The following ZSCAN32 variants were observed in gnomAD, a reference collection of about 807,000 sequenced individuals.
ZSCAN32 encodes zinc finger and SCAN domain containing 32.
In ZSCAN32, 52 loss-of-function variants were observed where a neutral mutation model predicts 47.4. The ratio of observed to expected loss-of-function variants is 1.10; its 90% CI spans 0.88 to 1.38. The LOEUF is 1.38. ZSCAN32 is among the 40% of genes most tolerant of loss of function. The pLI, the probability that ZSCAN32 is intolerant of heterozygous loss-of-function variation, is 0.00. For missense variants in ZSCAN32, 959 were observed against 846.0 expected (o/e 1.13, Z -1.66); for synonymous variants, 346 against 305.7 (o/e 1.13, Z -1.38).
At chr16:3,397,963 T>G (rs2033534239) in intron 1 of ZSCAN32, among the ~76,000 whole-genome samples, 1 of 152,192 alleles carries the variant, frequency 6.6e-6, no homozygotes. Context: ...TCTAACCAAC[T>G]CCATCTTGCT....
rs2033858691 is a variant in ZSCAN32 at position 3,400,966 on chromosome 16, C to CTGT, written c.-210_-209insACA. ...TCACCGGACACCAGCACTCGCGACT[C>CTGT]CACAAACTCCCTCAGCCTCCGGGCC... is the stretch of plus-strand genomic sequence containing the variant. On this transcript the variant is annotated 5_prime_UTR_variant, in exon 1 of 7. Coordinates refer to ENST00000396852, the MANE Select transcript of ZSCAN32 (RefSeq NM_001284527.2). The CTGT allele has an allele frequency of 6.6e-6, 1 of 152,624 alleles. No individual in the cohort carries two copies. Among genetic ancestry groups the CTGT allele is most frequent in the South Asian group, 2.1e-4 (1 of 4,842 alleles). 9.5% of individuals were successfully genotyped at this position (152,624 alleles called of 1,614,324 possible). A position where few individuals can be genotyped will look rare whatever the true frequency, so the allele number is the denominator to read the frequency against.
rs143167196 is a variant in ZSCAN32, at chr16:3,383,072, C to T, written c.1874G>A (p.Arg625His). The T allele has an allele frequency of 4.4e-5, 71 of 1,614,084 alleles. No homozygotes were observed. Among genetic ancestry groups the T allele is most frequent in the South Asian group, 8.8e-5 (8 of 91,074 alleles). The change falls in exon 7 of 7, where the codon CGC (arginine) becomes CAC (histidine). Residue 625 changes from arginine to histidine, a missense_variant. By Grantham distance (29) the Arg-to-His change is conservative. Coordinates refer to ENST00000396852, the MANE Select transcript of ZSCAN32 (RefSeq NM_001284527.2). ...NNSSQFSAHR[R>H]IHTGESPYKC... ...GTATGGGCTCTCCCCAGTGTGGATG[C>T]GCCGGTGAGCACTGAACTGGGAACT...
intron 5 of ZSCAN32, among the ~76,000 whole-genome samples, chr16:3,388,887 C>A (rs1273072727): frequency 6.6e-6 from 1 of 152,052 alleles, no homozygotes; most frequent in Non-Finnish European, 1.5e-5. Flanking sequence ...TGGGACCTTA[C>A]TTTGGAGAGA....
At chr16:3,385,085 G>A (rs1341788243) in intron 5 of ZSCAN32, 144 bp from the exon 6 acceptor site, 42 of 960,796 alleles carry the variant, frequency 4.4e-5, no homozygotes, top group Non-Finnish European at 6.3e-5. Context: ...AGCACTTTGG[G>A]AGGCCAAGGC....
chr16:3,393,241 TTA>T (rs1183166388), intron 3 of ZSCAN32, among the ~76,000 whole-genome samples: 1 of 10,622 alleles, frequency 9.4e-5, no homozygotes, highest in Non-Finnish European at 1.6e-4. Context: ...TTTATATATT[TTA>T]TATATATATA....
intron 2 of ZSCAN32, among the ~76,000 whole-genome samples, chr16:3,396,821 A>C (rs1035150381): frequency 1.3e-5 from 2 of 152,046 alleles, no homozygotes; most frequent in African/African-American, 4.8e-5. Flanking sequence ...AACACATGTC[A>C]CTCTGCCCTC....
chr16:3,390,570 A>T, intron 3 of ZSCAN32, 53 bp from the exon 4 acceptor site: 1 of 1,425,324 alleles, frequency 7.0e-7, no homozygotes, highest in Non-Finnish European at 9.6e-7. Context: ...AACAGCACAG[A>T]GCAGAAGCTC....
rs762978332 is a variant in ZSCAN32, at chr16:3,390,183, C to G, written c.628-50G>C. 12 of 1,534,780 alleles carry G rather than the reference C, an allele frequency of 7.8e-6. No homozygotes were observed. In the South Asian group the frequency reaches 1.4e-4, roughly 17 times the overall value. On this transcript the variant is annotated intron_variant, in intron 4 of 6. Coordinates refer to ENST00000396852, the MANE Select transcript of ZSCAN32 (RefSeq NM_001284527.2). ...TACCGATAAAATAGCACCACTCTAG[C>G]CTGGGGTGGGGGCAGAGACAGGATC...
In ZSCAN32 at chr16:3,383,184, G is replaced by C; in HGVS notation, c.1762C>G (p.Gln588Glu). 1.2e-6 allele frequency: 2 copies of C among 1,614,108 alleles called. No homozygotes were observed. The highest frequency in any genetic ancestry group is 1.7e-6 in the Non-Finnish European group (2 of 1,180,024). The change falls in exon 7 of 7, where the codon CAG (glutamine) becomes GAG (glutamate). Residue 588 changes from glutamine (Q) to glutamate (E), a missense_variant. Coordinates refer to ENST00000396852, the MANE Select transcript of ZSCAN32 (RefSeq NM_001284527.2). ...TGGTGGACAATGAGGCTGGAACTCT[G>C]GTTGAAGCTTTTCCCACATTGCCCA... ...QCGQCGKSFN[Q>E]SSSLIVHQRT... is the part of the protein sequence containing the mutation.
intron 3 of ZSCAN32, among the ~76,000 whole-genome samples, chr16:3,393,227 TAAATTTATATA>T (rs1567319827): frequency 7.2e-4 from 17 of 23,626 alleles, no homozygotes; most frequent in South Asian, 3.9e-3. Context: ...TATATATATA[TAAATTTATATA>T]TTTTATATAT....
In ZSCAN32 at chr16:3,383,501, A is replaced by G; in HGVS notation, c.1445T>C (p.Met482Thr). ...CCTGGCACAAAAACTCTGGTGACTC[A>G]TCTTCTCCTGGGATGGGGTTTTCTC... is the stretch of plus-strand genomic sequence containing the variant. The part of the protein sequence containing the change: ...SEEKTPSQEK[M>T]SHQSFCARDK... Residue 482 changes from methionine to threonine, a missense_variant, in exon 7 of 7, where the codon ATG becomes ACG. Physicochemically the swap from Met to Thr is moderately conservative, Grantham distance 81. Transcript: ENST00000396852. 1 of 1,614,066 alleles carries G rather than the reference A, an allele frequency of 6.2e-7. No individual in the cohort carries two copies. The highest frequency in any genetic ancestry group is 8.5e-7 in the Non-Finnish European group (1 of 1,179,994).
At chr16:3,393,884 G>A (rs2033111945) in intron 2 of ZSCAN32, 70 bp from the exon 3 acceptor site, 4 of 1,333,236 alleles carry the variant, frequency 3.0e-6, no homozygotes, top group African/African-American at 3.0e-5. Flanking sequence ...TCCTAAGAGT[G>A]GCATTAAAAA....
chr16:3,391,184 GGCC>G (rs1409090272), intron 3 of ZSCAN32, among the ~76,000 whole-genome samples: 1 of 152,198 alleles, frequency 6.6e-6, no homozygotes, highest in Non-Finnish European at 1.5e-5. Flanking sequence ...ATCTGTGAGT[GGCC>G]CATGGGCCTG....
chr16:3,384,796 A>G lies in ZSCAN32; in HGVS notation c.897T>C (p.Phe299=), dbSNP rs1459651590. Residue 299 remains phenylalanine (F), a synonymous_variant, in exon 6 of 7, where the codon TTT becomes TTC. Coordinates refer to ENST00000396852, the MANE Select transcript of ZSCAN32 (RefSeq NM_001284527.2). ...TGCGACACTGTTCTGGGGTCCGCAG[A>G]AAACCCTGCTCCCAGAGTCCTTCCG... ...AMAEGLWEQG[F]LRTPEQCRTK... is the part of the protein sequence containing the mutation. 1 of 1,614,218 alleles carries G rather than the reference A, an allele frequency of 6.2e-7. No homozygotes were observed. Among genetic ancestry groups the G allele is most frequent in the Admixed American group, 1.7e-5 (1 of 60,028 alleles).
At chr16:3,387,095 A>G (rs1444536894) in intron 5 of ZSCAN32, among the ~76,000 whole-genome samples, 1 of 152,216 alleles carries the variant, frequency 6.6e-6, no homozygotes, top group African/African-American at 2.4e-5. Context: ...ATAATGACTT[A>G]TAGGGTTATT....
intron 5 of ZSCAN32, among the ~76,000 whole-genome samples, chr16:3,389,132 T>A (rs2032359577): frequency 6.6e-6 from 1 of 152,150 alleles, no homozygotes; most frequent in Admixed American, 6.6e-5. Flanking sequence ...CTCCTGCAAC[T>A]GGACAGAGAT....
intron 2 of ZSCAN32, among the ~76,000 whole-genome samples, chr16:3,395,469 C>A (rs564167239): frequency 1.3e-5 from 2 of 152,300 alleles, no homozygotes; most frequent in Admixed American, 6.5e-5. Flanking sequence ...TCACTCAGTT[C>A]TCATTCTTCT....
chr16:3,399,406 A>C (rs2033676509), intron 1 of ZSCAN32, among the ~76,000 whole-genome samples: 1 of 152,188 alleles, frequency 6.6e-6, no homozygotes. Context: ...GTAAGATCAG[A>C]GTTGTCTCCA....
intron 1 of ZSCAN32, among the ~76,000 whole-genome samples, chr16:3,398,605 C>T (rs1715005732): frequency 6.6e-6 from 1 of 152,196 alleles, no homozygotes; most frequent in African/African-American, 2.4e-5. Context: ...ATATAGTCTT[C>T]TCCCAGCCAA....
Sources: allele counts gnomAD v4.1 joint callset (sites outside exome capture counted in the v4.1 genomes callset), GRCh38; gene constraint gnomAD v4.1.1; transcripts MANE v1.5; gene names NCBI Gene and HGNC (gene_info 2026-07-23, HGNC 2026-07-21).